The following PRKAG2 variants were observed in gnomAD, a reference collection of about 807,000 sequenced individuals.
PRKAG2 encodes the protein protein kinase AMP-activated non-catalytic subunit gamma 2, also known as 5'-AMP-activated protein kinase subunit gamma-2.
PRKAG2 carries 26 observed loss-of-function variants against 69.6 expected under a neutral mutation model. The ratio of observed to expected loss-of-function variants is 0.37; its 90% confidence interval spans 0.27 to 0.52. PRKAG2 has a LOEUF of 0.52. Ranked by LOEUF, PRKAG2 falls within the 20% of genes least tolerant of loss-of-function variation. The pLI is 0.90. For synonymous variants in PRKAG2, 293 were observed against 285.0 expected, an observed-to-expected ratio of 1.03 and a Z score of -0.28; for missense variants, 557 against 740.0, an observed-to-expected ratio of 0.75 and a Z score of 2.87.
intron 3 of PRKAG2, among the ~76,000 whole-genome samples, chr7:151,774,765 C>T (rs1399527939): frequency 6.6e-6 from 1 of 152,118 alleles, no homozygotes; most frequent in East Asian, 1.9e-4. Flanking sequence ...CGAGATCTCG[C>T]CATTGCACTC....
At chr7:151,595,954 G>C (rs1814396002) in intron 5 of PRKAG2, among the ~76,000 whole-genome samples, 1 of 152,080 alleles carries the variant, frequency 6.6e-6, no homozygotes, top group African/African-American at 2.4e-5. Context: ...AGGGTCACTT[G>C]AGCCCAGGAG....
Position 151,574,879 on chromosome 7 carries a change from G to A in PRKAG2, c.1005+12C>T. ...AGCTCCAACTACTGACATAGGAACT[G>A]GTGCCACTTACCATAGGTGATTTAT... On this transcript the variant is annotated intron_variant, in intron 8 of 15. Coordinates refer to ENST00000287878, the MANE Select transcript of PRKAG2 (RefSeq NM_016203.4). 6.2e-7 allele frequency: 1 copy of A among 1,613,506 alleles called. No homozygotes were observed. The highest frequency in any genetic ancestry group is 1.3e-5 in the African/African-American group (1 of 75,000).
rs142304924 is a variant in PRKAG2 at position 151,807,264 on chromosome 7, G to A, written c.115-20723C>T. On this transcript the variant is annotated intron_variant, in intron 1 of 15. Coordinates refer to ENST00000287878, the MANE Select transcript of PRKAG2 (RefSeq NM_016203.4). This position sits in a 1 kb window ranked among gnomAD's most constrained non-coding sequence, Gnocchi z 4.4. ...AAGCTGACCAAAAAGTGGCCAGTCAGCCACCAGCAGACCCATGGGATAGGG... is the reference window on the plus strand; with the variant it reads ...AAGCTGACCAAAAAGTGGCCAGTCAACCACCAGCAGACCCATGGGATAGGG... 3.0e-4 allele frequency: 115 copies of A among 379,304 alleles called. 1 individual carries two copies. The highest frequency in any genetic ancestry group is 2.3e-3 in the African/African-American group (111 of 47,634). The allele number at this position is 379,304 out of a possible 1,614,324, so 23.5% of individuals were successfully genotyped here.
At chr7:151,875,578 T>TGTGTG (rs2080372807) in intron 1 of PRKAG2, among the ~76,000 whole-genome samples, 1 of 101,272 alleles carries the variant, frequency 9.9e-6, no homozygotes, top group South Asian at 2.9e-4. Context: ...TGTGTGTGTG[T>TGTGTG]GTGTGTGTGT....
intron 1 of PRKAG2, among the ~76,000 whole-genome samples, chr7:151,859,763 G>A (rs990322587): frequency 2.0e-5 from 3 of 152,210 alleles, no homozygotes; most frequent in African/African-American, 7.2e-5. Context: ...GTCCCAGTGA[G>A]AGCTGCAGGT....
At chr7:151,815,178 C>T (rs1406060372) in intron 1 of PRKAG2, among the ~76,000 whole-genome samples, 1 of 134,854 alleles carries the variant, frequency 7.4e-6, no homozygotes, top group African/African-American at 2.6e-5. Flanking sequence ...TCCCCATTTA[C>T]ACTCCATTCC....
chr7:151,620,789 A>AT (rs1399034822), intron 5 of PRKAG2, among the ~76,000 whole-genome samples: 161 of 68,008 alleles, frequency 2.4e-3, no homozygotes, highest in African/African-American at 7.5e-3. Flanking sequence ...TCCTTAATAG[A>AT]TTAAAAAAAT....
chr7:151,873,894 C>T (rs1193491147), intron 1 of PRKAG2, among the ~76,000 whole-genome samples: 2 of 152,094 alleles, frequency 1.3e-5, no homozygotes, highest in African/African-American at 4.8e-5. Context: ...AATGGCCCAA[C>T]CACTGGACAA....
At chr7:151,649,296 G>A (rs1828075176) in intron 4 of PRKAG2, among the ~76,000 whole-genome samples, 1 of 152,010 alleles carries the variant, frequency 6.6e-6, no homozygotes. Context: ...TGGCTAAGTT[G>A]TGTATGTTTA....
chr7:151,557,426 T>C (rs1466588147), intron 15 of PRKAG2, 194 bp from the exon 16 acceptor site: 11 of 985,222 alleles, frequency 1.1e-5, no homozygotes, highest in Non-Finnish European at 1.3e-5. Context: ...TGGATCCACG[T>C]AACATCTTGT....
Position 151,814,710 on chromosome 7 carries a change from C to T in PRKAG2, c.115-28169G>A. 8.1e-7 allele frequency: 1 copy of T among 1,231,782 alleles called. No individual in the cohort carries two copies. The highest frequency in any genetic ancestry group is 1.0e-6 in the Non-Finnish European group (1 of 987,992). The allele number at this position is 1,231,782 out of a possible 1,614,324, so 76.3% of individuals were successfully genotyped here. On this transcript the variant is annotated intron_variant, in intron 1 of 15. Coordinates refer to ENST00000287878, the MANE Select transcript of PRKAG2 (RefSeq NM_016203.4). The surrounding 1 kb of genome is among the most constrained non-coding windows in gnomAD (Gnocchi z 4.8). ...CCAAGGCAGCGCAACAAGCGGCTGG[C>T]AGACAGCATGGGCTGGCCTAAGACA...
intron 1 of PRKAG2, among the ~76,000 whole-genome samples, chr7:151,834,897 G>C (rs980287295): frequency 2.0e-5 from 3 of 152,230 alleles, no homozygotes; most frequent in African/African-American, 7.2e-5. Flanking sequence ...AATCTGTCCA[G>C]GCCTTTCTGC....
intron 1 of PRKAG2, among the ~76,000 whole-genome samples, chr7:151,876,023 C>A (rs1057014821): frequency 2.0e-5 from 3 of 151,164 alleles, no homozygotes; most frequent in Non-Finnish European, 3.0e-5. Context: ...CGCAGCTACA[C>A]AGCTCCCCCC....
At chr7:151,677,606 G>A (rs952977460) in intron 3 of PRKAG2, among the ~76,000 whole-genome samples, 21 of 152,212 alleles carry the variant, frequency 1.4e-4, no homozygotes, top group Non-Finnish European at 1.9e-4. Flanking sequence ...ATGTAGCCTA[G>A]AGCTGCCTCC....
chr7:151,753,729 T>G (rs1451360070), intron 3 of PRKAG2, among the ~76,000 whole-genome samples: 1 of 152,056 alleles, frequency 6.6e-6, no homozygotes, highest in African/African-American at 2.4e-5. Context: ...AAAGTGTTAT[T>G]TTAAAAAAGG....
At chr7:151,627,101 C>T (rs973155937) in intron 5 of PRKAG2, among the ~76,000 whole-genome samples, 6 of 152,070 alleles carry the variant, frequency 3.9e-5, no homozygotes, top group East Asian at 1.9e-4. Flanking sequence ...CACCAAGTGC[C>T]GGCCCCCTGG....
chr7:151,876,463 C>A (rs1334038286), intron 1 of PRKAG2, 44 bp downstream of exon 1: 2 of 1,558,794 alleles, frequency 1.3e-6, no homozygotes, highest in Non-Finnish European at 1.8e-6. Flanking sequence ...GGGACGGGAG[C>A]GACAGGAGGG....
At chr7:151,682,503 G>C (rs1364771823) in intron 3 of PRKAG2, among the ~76,000 whole-genome samples, 1 of 152,188 alleles carries the variant, frequency 6.6e-6, no homozygotes, top group Non-Finnish European at 1.5e-5. Flanking sequence ...CTCCCAAAGT[G>C]CTGGGAATAT....
chr7:151,557,204 C>T lies in PRKAG2; in HGVS notation c.1707G>A (p.Glu569=), dbSNP rs1803934485. The T allele has an allele frequency of 5.0e-6, 8 of 1,614,154 alleles. No individual in the cohort carries two copies. Among genetic ancestry groups the T allele is most frequent in the Non-Finnish European group, 6.8e-6 (8 of 1,180,018 alleles). The change falls in exon 16 of 16, where the codon GAG becomes GAA. Residue 569 remains glutamate, a synonymous_variant. Coordinates refer to ENST00000287878, the MANE Select transcript of PRKAG2 (RefSeq NM_016203.4). ...AGGGCGTCTACATTCACGGCGGTCA[C>T]TCCGTTTCTGTCTCCTTTTGTTTGG... The part of the protein sequence containing the change: ...AGAKQKETET[E]
Sources: gnomAD v4.1 joint callset for allele counts (sites outside exome capture counted in the v4.1 genomes callset) on GRCh38, gnomAD v4.1.1 for gene constraint, Gnocchi (gnomAD v3.1) non-coding constraint, MANE v1.5 for transcripts, NCBI Gene and HGNC (gene_info 2026-07-23, HGNC 2026-07-21) for gene names.